Variants in TMEM143 observed in about 807,000 individuals in gnomAD.
TMEM143 encodes the protein transmembrane protein 143.
TMEM143 carries 45 observed loss-of-function variants against 40.3 expected under a neutral mutation model. The ratio of observed to expected loss-of-function variants is 1.12; its 90% CI spans 0.88 to 1.43. The LOEUF is 1.43. TMEM143 is among the 40% of genes most tolerant of loss of function. The pLI is 0.00. For missense variants in TMEM143, 620 were observed against 613.4 expected, an observed-to-expected ratio of 1.01 and a Z score of -0.11; for synonymous variants, 299 against 282.7, an observed-to-expected ratio of 1.06 and a Z score of -0.58.
chr19:48,345,442 T>TTTCA, intron 3 of TMEM143, 88 bp from the exon 4 acceptor site: 1 of 587,144 alleles, frequency 1.7e-6, no homozygotes, highest in Admixed American at 4.4e-5. Context: ...CTCCAGATAC[T>TTTCA]TTCATTTATT....
At chr19:48,340,098 A>G (rs1027008285) in intron 6 of TMEM143, among the ~76,000 whole-genome samples, 3 of 146,568 alleles carry the variant, frequency 2.0e-5, no homozygotes, top group African/African-American at 7.6e-5. Flanking sequence ...TCATGAATAC[A>G]CTAAATTAAC....
intron 3 of TMEM143, among the ~76,000 whole-genome samples, chr19:48,355,037 T>C (rs1969854500): frequency 1.3e-5 from 2 of 152,000 alleles, no homozygotes; most frequent in Non-Finnish European, 2.9e-5. Context: ...CTTTTTTTTT[T>C]TAAGAATCTT....
chr19:48,334,107 C>T lies in TMEM143; in HGVS notation c.1066G>A (p.Ala356Thr), dbSNP rs370797607. Residue 356 changes from alanine (A) to threonine (T), a missense_variant, in exon 7 of 8, where the codon GCC becomes ACC. Transcript: ENST00000293261. ...STSNNSELLS[A>T]LALRAQDEHT... ...TCGTCCTGCGCGCGCAGGGCCAGGGCGCTGAGCAGCTCCGAGTTGTTGGAC... is the reference window on the plus strand; with the variant it reads ...TCGTCCTGCGCGCGCAGGGCCAGGGTGCTGAGCAGCTCCGAGTTGTTGGAC... 11 of 1,600,048 alleles carry T rather than the reference C, an allele frequency of 6.9e-6. No homozygotes were observed. The highest frequency in any genetic ancestry group is 1.3e-5 in the African/African-American group (1 of 74,618).
In TMEM143 at chr19:48,363,456, C is replaced by T. The variant is rs1970109371; in HGVS notation, c.99G>A (p.Leu33=). 1.2e-6 allele frequency: 2 copies of T among 1,613,840 alleles called. No individual in the cohort carries two copies. The highest frequency in any genetic ancestry group is 2.7e-5 in the African/African-American group (2 of 74,948). ...VWGSRVRVWP[L]LPALLGPPRA... The stretch of plus-strand genomic sequence containing the variant: ...GGGGGGGCCCGAGGAGCGCGGGCAA[C>T]AGTGGCCATACTCGGACCCTGGACC... The change falls in exon 2 of 8, where the codon CTG becomes CTA. Residue 33 remains leucine, a synonymous_variant. Transcript: ENST00000293261.
intron 3 of TMEM143, 142 bp downstream of exon 3, chr19:48,359,930 G>T: frequency 1.4e-6 from 1 of 714,346 alleles, no homozygotes; most frequent in Non-Finnish European, 2.3e-6. Context: ...CTCCATGAGG[G>T]CGTCACTTCA....
Position 48,333,412 on chromosome 19 carries a change from G to A in TMEM143, c.1187C>T (p.Ser396Leu). The A allele has an allele frequency of 1.2e-6, 2 of 1,600,682 alleles. No homozygotes were observed. Among genetic ancestry groups the A allele is most frequent in the Non-Finnish European group, 1.7e-6 (2 of 1,171,534 alleles). ...SPEETSRWLR[S>L]EVENWLLAKS... ...GGCTAGGAGCCAGTTCTCCACCTCC[G>A]ACCGGAGCCACCTGGAGGTCTCTGC... Residue 396 changes from serine to leucine, a missense_variant, in exon 8 of 8, where the codon TCG (serine) becomes TTG (leucine). Physicochemically the swap from Ser to Leu is moderately radical, Grantham distance 145. Transcript: ENST00000293261. The surrounding 1 kb of genome is among the most constrained non-coding windows in gnomAD (Gnocchi z 4.1).
chr19:48,359,967 AG>A (rs1970001031), intron 3 of TMEM143, 104 bp downstream of exon 3: 2 of 1,115,276 alleles, frequency 1.8e-6, no homozygotes, highest in Non-Finnish European at 2.6e-6. Context: ...TTGAATCCCC[AG>A]CACTTAAAAT....
At chr19:48,350,759 T>A (rs1301502902) in intron 3 of TMEM143, among the ~76,000 whole-genome samples, 1 of 151,486 alleles carries the variant, frequency 6.6e-6, no homozygotes, top group African/African-American at 2.4e-5. Context: ...CCGTCTCTAC[T>A]GAAAATACAA....
chr19:48,351,296 T>A (rs1238776194), intron 3 of TMEM143, among the ~76,000 whole-genome samples: 1 of 152,030 alleles, frequency 6.6e-6, no homozygotes, highest in East Asian at 1.9e-4. Context: ...TTCTCACACA[T>A]CCAACCCATT....
intron 6 of TMEM143, among the ~76,000 whole-genome samples, chr19:48,337,319 C>A (rs6509378): frequency 6.6e-6 from 1 of 151,524 alleles, no homozygotes; most frequent in African/African-American, 2.4e-5. Context: ...GAGGCCGAGG[C>A]GGGCGGATCA....
chr19:48,340,358 C>T (rs1409784832), intron 6 of TMEM143, among the ~76,000 whole-genome samples: 1 of 151,548 alleles, frequency 6.6e-6, no homozygotes, highest in African/African-American at 2.4e-5. Flanking sequence ...AACTCCTGAC[C>T]TCGTGATCCA....
chr19:48,333,887 G>T lies in TMEM143; in HGVS notation c.1165+121C>A. On this transcript the variant is annotated intron_variant, in intron 7 of 7. Coordinates refer to ENST00000293261, the MANE Select transcript of TMEM143 (RefSeq NM_018273.4). The surrounding 1 kb of genome is among the most constrained non-coding windows in gnomAD (Gnocchi z 4.1). ...CGGAGGTCCTGTCTGCTGAGGGCCGGGGTCTCTTCGCAAACCCGTCAGGTT... is the reference window on the plus strand; with the variant it reads ...CGGAGGTCCTGTCTGCTGAGGGCCGTGGTCTCTTCGCAAACCCGTCAGGTT... The T allele has an allele frequency of 1.8e-6, 2 of 1,085,376 alleles. No homozygotes were observed. The highest frequency in any genetic ancestry group is 2.6e-6 in the Non-Finnish European group (2 of 781,324). The allele number at this position is 1,085,376 out of a possible 1,614,324, so 67.2% of individuals were successfully genotyped here.
intron 3 of TMEM143, among the ~76,000 whole-genome samples, chr19:48,355,532 T>C (rs1443561288): frequency 6.6e-6 from 1 of 152,092 alleles, no homozygotes; most frequent in African/African-American, 2.4e-5. Flanking sequence ...CGGCTGTCTC[T>C]CCGCACTGCA....
At chr19:48,347,208 C>T (rs1286432913) in intron 3 of TMEM143, among the ~76,000 whole-genome samples, 1 of 149,732 alleles carries the variant, frequency 6.7e-6, no homozygotes, top group East Asian at 1.9e-4. Context: ...AGGAAATCAC[C>T]CCTCTATAAA....
At chr19:48,348,390 C>T (rs149824592) in intron 3 of TMEM143, among the ~76,000 whole-genome samples, 1 of 152,148 alleles carries the variant, frequency 6.6e-6, no homozygotes, top group South Asian at 2.1e-4. Flanking sequence ...CTCCTCCCCA[C>T]CCGCCTGGTC....
At chr19:48,348,115 C>G (rs1373870845) in intron 3 of TMEM143, among the ~76,000 whole-genome samples, 1 of 152,094 alleles carries the variant, frequency 6.6e-6, no homozygotes, top group East Asian at 1.9e-4. Flanking sequence ...ATCCTCCAGC[C>G]TAGGCTGGTC....
At chr19:48,359,948 T>G (rs778205762) in intron 3 of TMEM143, 124 bp downstream of exon 3, 4 of 879,806 alleles carry the variant, frequency 4.5e-6, no homozygotes, top group Non-Finnish European at 6.9e-6. Flanking sequence ...TCACCTGTCA[T>G]GTTCACTATT....
chr19:48,363,180 A>G (rs1970090866), intron 2 of TMEM143, 111 bp downstream of exon 2: 2 of 1,424,508 alleles, frequency 1.4e-6, no homozygotes, highest in Non-Finnish European at 1.9e-6. Context: ...CCCGGGAACT[A>G]CAACTCCCAG....
At chr19:48,344,680 T>C (rs995581743) in intron 4 of TMEM143, among the ~76,000 whole-genome samples, 2 of 152,118 alleles carry the variant, frequency 1.3e-5, no homozygotes, top group African/African-American at 2.4e-5. Context: ...TTCCAACAGA[T>C]GGCAGTGAAG....
Sources: gnomAD v4.1 joint callset for allele counts (sites outside exome capture counted in the v4.1 genomes callset) on GRCh38, gnomAD v4.1.1 for gene constraint, Gnocchi (gnomAD v3.1) non-coding constraint, MANE v1.5 for transcripts, NCBI Gene and HGNC (gene_info 2026-07-23, HGNC 2026-07-21) for gene names.